Variants in C5AR2 observed in about 807,000 individuals in gnomAD.
The protein encoded by C5AR2 is complement C5a receptor 2, also known as C5a anaphylatoxin chemotactic receptor 2.
For missense variants in C5AR2, 458 were observed against 467.5 expected, an observed-to-expected ratio of 0.98 and a Z score of 0.19; for synonymous variants, 224 against 216.5, an observed-to-expected ratio of 1.03 and a Z score of -0.30.
chr19:47,341,889 A>G lies in C5AR2; in HGVS notation c.*76A>G. The G allele has an allele frequency of 7.4e-7, 1 of 1,345,956 alleles. No individual in the cohort carries two copies. The highest frequency in any genetic ancestry group is 1.0e-6 in the Non-Finnish European group (1 of 960,414). 83.4% of individuals were successfully genotyped at this position (1,345,956 alleles called of 1,614,324 possible). A position where few individuals can be genotyped will look rare whatever the true frequency, so the allele number is the denominator to read the frequency against. ...GGCTTCAGGCATAGCTGGATCCAGGAGCTCAATGATGTCTTCATTTTATTC... is the reference window on the plus strand; with the variant it reads ...GGCTTCAGGCATAGCTGGATCCAGGGGCTCAATGATGTCTTCATTTTATTC... On this transcript the variant is annotated 3_prime_UTR_variant, in exon 2 of 2. Transcript: ENST00000595464. The surrounding 1 kb of genome is among the most constrained non-coding windows in gnomAD (Gnocchi z 4.6).
At position 47,341,884 on chromosome 19, in the gene C5AR2, C is replaced by T; in HGVS notation, c.*71C>T. The T allele has an allele frequency of 7.2e-7, 1 of 1,384,386 alleles. No homozygotes were observed. The highest frequency in any genetic ancestry group is 1.0e-6 in the Non-Finnish European group (1 of 992,624). The allele number at this position is 1,384,386 out of a possible 1,614,324, so 85.8% of individuals were successfully genotyped here. ...AGACTGGCTTCAGGCATAGCTGGAT[C>T]CAGGAGCTCAATGATGTCTTCATTT... On this transcript the variant is annotated 3_prime_UTR_variant, in exon 2 of 2. Coordinates refer to ENST00000595464, the MANE Select transcript of C5AR2 (RefSeq NM_001271749.2). The surrounding 1 kb of genome is among the most constrained non-coding windows in gnomAD (Gnocchi z 4.6).
rs914482498 is a variant in C5AR2, at chr19:47,346,835, C to T, written c.*5022C>T. On this transcript the variant is annotated 3_prime_UTR_variant, in exon 2 of 2. Transcript: ENST00000595464. ...TTTTCTGGGCAAAGCCAAGAACCCT[C>T]GTGGGCTAAAACCCCGCTTTGGGGC... 1.3e-5 allele frequency: 2 copies of T among 152,232 alleles called. No homozygotes were observed. Among genetic ancestry groups the T allele is most frequent in the African/African-American group, 2.4e-5 (1 of 41,468 alleles). The allele number at this position is 152,232 out of a possible 1,614,324, so 9.4% of individuals were successfully genotyped here.
In C5AR2 at chr19:47,347,098, CT is replaced by C. The variant is rs1330904559; in HGVS notation, c.*5291del. 2 of 152,042 alleles carry C rather than the reference CT, an allele frequency of 1.3e-5. No individual in the cohort carries two copies. Among genetic ancestry groups the C allele is most frequent in the African/African-American group, 4.8e-5 (2 of 41,392 alleles). 9.4% of individuals were successfully genotyped at this position (152,042 alleles called of 1,614,324 possible). On this transcript the variant is annotated 3_prime_UTR_variant, in exon 2 of 2. Coordinates refer to ENST00000595464, the MANE Select transcript of C5AR2 (RefSeq NM_001271749.2). ...AGCCATCTGTTTTGCTATAACTTCC[CT>C]TTTTTGTTCTAAAGTTTGTCTATTT... is the stretch of plus-strand genomic sequence containing the variant.
Position 47,337,567 on chromosome 19 carries a change from C to T in C5AR2, c.-15-3218C>T, listed in dbSNP as rs368159939. On this transcript the variant is annotated intron_variant, in intron 1 of 1. Transcript: ENST00000595464. ...GTCCCAGCTACTCAGGAGGCTGAGG[C>T]GGGAGAATTGCTTGAACCCTGGAGG... 2.4e-3 allele frequency among the ~76,000 whole-genome samples: 357 copies of T among 151,346 alleles called. 3 individuals are homozygous for T. Among genetic ancestry groups the T allele is most frequent in the African/African-American group, 8.1e-3 (336 of 41,272 alleles).
At position 47,336,064 on chromosome 19, in the gene C5AR2, A is replaced by T. The variant is rs370969323; in HGVS notation, c.-16+3715A>T. ...TGCCCAAGGCCACACAGCTGGTAGGAATTTGAGGGTTTTTGTTGTTGTTGT... is the reference window on the plus strand; with the variant it reads ...TGCCCAAGGCCACACAGCTGGTAGGTATTTGAGGGTTTTTGTTGTTGTTGT... On this transcript the variant is annotated intron_variant, in intron 1 of 1. Coordinates refer to ENST00000595464, the MANE Select transcript of C5AR2 (RefSeq NM_001271749.2). Among the ~76,000 whole-genome samples the T allele has an allele frequency of 2.2e-4, 34 of 151,882 alleles. No individual in the cohort carries two copies. The East Asian group carries it at 4.6e-3, about 21-fold the overall frequency.
In C5AR2 at chr19:47,341,581, C is replaced by G. The variant is rs368477327; in HGVS notation, c.782C>G (p.Pro261Arg). 2 of 1,613,716 alleles carry G rather than the reference C, an allele frequency of 1.2e-6. No individual in the cohort carries two copies. The highest frequency in any genetic ancestry group is 1.1e-5 in the South Asian group (1 of 91,078). The change falls in exon 2 of 2, where the codon CCG becomes CGG. Residue 261 changes from proline (P) to arginine (R), a missense_variant. Pro to Arg is a moderately radical substitution (Grantham distance 103, BLOSUM62 -2). Coordinates refer to ENST00000595464, the MANE Select transcript of C5AR2 (RefSeq NM_001271749.2). This position sits in a 1 kb window ranked among gnomAD's most constrained non-coding sequence, Gnocchi z 4.6. Reference protein sequence around the residue: ...LLGLVLTVAAPNSALLARALR... With the variant: ...LLGLVLTVAARNSALLARALR... ...GGGCTGGTGCTCACTGTGGCGGCCC[C>G]GAACTCCGCACTCCTGGCCAGGGCC...
rs919140402 is a variant in C5AR2, at chr19:47,345,093, C to T, written c.*3280C>T. The T allele has an allele frequency of 1.3e-5, 2 of 152,362 alleles. No individual in the cohort carries two copies. The highest frequency in any genetic ancestry group is 4.8e-5 in the African/African-American group (2 of 41,428). 9.4% of individuals were successfully genotyped at this position (152,362 alleles called of 1,614,324 possible). ...CGGCCTTATCCTTGACTTAGAATAC[C>T]TAACCTCCTGGGAATGCAGCCCATA... On this transcript the variant is annotated 3_prime_UTR_variant, in exon 2 of 2. Coordinates refer to ENST00000595464, the MANE Select transcript of C5AR2 (RefSeq NM_001271749.2).
chr19:47,338,846 T>A (rs2059370514), intron 1 of C5AR2, among the ~76,000 whole-genome samples: 1 of 151,262 alleles, frequency 6.6e-6, no homozygotes, highest in Non-Finnish European at 1.5e-5. Flanking sequence ...CAAAAAATAG[T>A]AATAATATAG....
rs1323733640 is a variant in C5AR2 at position 47,339,247 on chromosome 19, C to T, written c.-15-1538C>T. Among the ~76,000 whole-genome samples, 3 of 152,112 alleles carry T rather than the reference C, an allele frequency of 2.0e-5. No individual in the cohort carries two copies. The East Asian group carries it at 5.8e-4, about 29-fold the overall frequency. On this transcript the variant is annotated intron_variant, in intron 1 of 1. Coordinates refer to ENST00000595464, the MANE Select transcript of C5AR2 (RefSeq NM_001271749.2). ...TCTCATTTGGAATAAATGATGATGT[C>T]CTTGCGTTGCCCACGTGGCCCTACA...
chr19:47,337,905 T>C (rs181806460), intron 1 of C5AR2, among the ~76,000 whole-genome samples: 2 of 151,444 alleles, frequency 1.3e-5, no homozygotes, highest in Non-Finnish European at 2.9e-5. Context: ...ACCCCGTCTC[T>C]ACTAAAAATA....
chr19:47,333,823 C>T (rs2059347932), intron 1 of C5AR2, among the ~76,000 whole-genome samples: 1 of 152,116 alleles, frequency 6.6e-6, no homozygotes, highest in South Asian at 2.1e-4. Context: ...TCGTGATCCA[C>T]CTGCCTGGGC....
In C5AR2 at chr19:47,338,690, T is replaced by TAATAATA. The variant is rs1385945632; in HGVS notation, c.-15-2092_-15-2091insAATAAAT. 8.7e-3 allele frequency among the ~76,000 whole-genome samples: 435 copies of TAATAATA among 50,280 alleles called. 3 individuals are homozygous for TAATAATA. The highest frequency in any genetic ancestry group is 0.045 in the South Asian group (71 of 1,570). 33.0% of individuals were successfully genotyped at this position (50,280 alleles called of 152,430 possible). On this transcript the variant is annotated intron_variant, in intron 1 of 1. Coordinates refer to ENST00000595464, the MANE Select transcript of C5AR2 (RefSeq NM_001271749.2). ...TAATAATAATAATAATAATAATAAT[T>TAATAATA]AATCAGGCATGATGGTGTGCACCTG...
intron 1 of C5AR2, among the ~76,000 whole-genome samples, chr19:47,335,771 C>CAAAAAAAA (rs768761019): frequency 0.031 from 715 of 23,020 alleles, 324 homozygotes; most frequent in African/African-American, 0.038. Flanking sequence ...TACTCCGTCT[C>CAAAAAAAA]AAAAAAAAAA....
chr19:47,333,584 CTT>C (rs34383862), intron 1 of C5AR2, among the ~76,000 whole-genome samples: 9 of 124,428 alleles, frequency 7.2e-5, no homozygotes, highest in Non-Finnish European at 5.0e-5. Context: ...GTTCAGACTC[CTT>C]TTTTTTTTTT....
At chr19:47,338,682 A>ATAATAG (rs2059369340) in intron 1 of C5AR2, among the ~76,000 whole-genome samples, 1 of 147,044 alleles carries the variant, frequency 6.8e-6, no homozygotes, top group Non-Finnish European at 1.5e-5. Flanking sequence ...AATAATAATA[A>ATAATAG]TAATAATTAA....
intron 1 of C5AR2, among the ~76,000 whole-genome samples, chr19:47,340,456 C>A (rs1470020048): frequency 6.6e-6 from 1 of 151,300 alleles, no homozygotes; most frequent in African/African-American, 2.4e-5. Context: ...AAGAAATTCT[C>A]AGCCTCCCAA....
chr19:47,338,237 T>A (rs1035171707), intron 1 of C5AR2, among the ~76,000 whole-genome samples: 1 of 150,440 alleles, frequency 6.6e-6, no homozygotes, highest in Non-Finnish European at 1.5e-5. Context: ...ATTGCACCAC[T>A]GCACTCCAGC....
intron 1 of C5AR2, 62 bp from the exon 2 acceptor site, chr19:47,340,723 T>C (rs1968998712): frequency 6.6e-7 from 1 of 1,518,972 alleles, no homozygotes; most frequent in Non-Finnish European, 9.1e-7. Flanking sequence ...ATGGACACCC[T>C]AGATCTCCAG....
chr19:47,341,387 C>T lies in C5AR2; in HGVS notation c.588C>T (p.Thr196=), dbSNP rs757282449. Reference sequence around the variant, plus strand: ...TGGACTACGGCGGCTCCTCCAGCACCGAGAATGCGGTGACTGCCATCCGGT... The same window carrying T: ...TGGACTACGGCGGCTCCTCCAGCACTGAGAATGCGGTGACTGCCATCCGGT... The part of the protein sequence containing the change: ...CVVDYGGSSS[T]ENAVTAIRFL... The change falls in exon 2 of 2, where the codon ACC becomes ACT. Residue 196 remains threonine (T), a synonymous_variant. Transcript: ENST00000595464. This position sits in a 1 kb window ranked among gnomAD's most constrained non-coding sequence, Gnocchi z 4.6. 58 of 1,612,520 alleles carry T rather than the reference C, an allele frequency of 3.6e-5. No individual in the cohort carries two copies. The East Asian group carries it at 9.6e-4, about 27-fold the overall frequency.
Sources: allele counts gnomAD v4.1 joint callset (sites outside exome capture counted in the v4.1 genomes callset), GRCh38; gene constraint gnomAD v4.1.1; non-coding constraint Gnocchi (gnomAD v3.1); transcripts MANE v1.5; gene names NCBI Gene and HGNC (gene_info 2026-07-23, HGNC 2026-07-21).